NLRP4: variants seen among roughly 807,000 people sequenced by gnomAD.
The protein encoded by NLRP4 is NLR family pyrin domain containing 4.
Under a neutral mutation model 84.7 loss-of-function variants are expected in NLRP4, and 44 were observed. The ratio of observed to expected loss-of-function variants is 0.52; its 90% CI spans 0.41 to 0.67. The LOEUF is 0.67. Ranked by LOEUF, NLRP4 falls within the 30% of genes least tolerant of loss-of-function variation. The pLI, the probability that NLRP4 is intolerant of heterozygous loss-of-function variation, is 0.00. For synonymous variants in NLRP4, 544 were observed against 476.4 expected, an observed-to-expected ratio of 1.14 and a Z score of -1.85; for missense variants, 1,260 against 1,219.4, an observed-to-expected ratio of 1.03 and a Z score of -0.50.
At chr19:55,871,628 T>G (rs533724099) in intron 7 of NLRP4, among the ~76,000 whole-genome samples, 2 of 152,326 alleles carry the variant, frequency 1.3e-5, no homozygotes, top group African/African-American at 4.8e-5. Context: ...TCTGGCAGCG[T>G]GATTTTTACC....
intron 1 of NLRP4, among the ~76,000 whole-genome samples, chr19:55,841,820 G>A (rs1360207101): frequency 1.4e-5 from 2 of 146,198 alleles, no homozygotes; most frequent in African/African-American, 2.8e-5. Flanking sequence ...AGCCGAGATC[G>A]TACCACTGCA....
At chr19:55,855,594 A>G (rs1047124279) in intron 2 of NLRP4, among the ~76,000 whole-genome samples, 21 of 152,240 alleles carry the variant, frequency 1.4e-4, no homozygotes, top group African/African-American at 5.1e-4. Flanking sequence ...TACTGTCAGC[A>G]GTCTGTGGGC....
intron 5 of NLRP4, among the ~76,000 whole-genome samples, chr19:55,863,800 C>G (rs1444675989): frequency 6.6e-6 from 1 of 152,166 alleles, no homozygotes; most frequent in East Asian, 1.9e-4. Flanking sequence ...TGGCACTTAA[C>G]CATTGTGTGT....
At chr19:55,867,956 A>C in intron 6 of NLRP4, 80 bp downstream of exon 6, 1 of 1,245,526 alleles carries the variant, frequency 8.0e-7, no homozygotes, top group Non-Finnish European at 1.1e-6. Context: ...CAGTCTGCTC[A>C]TTGATGGAGG....
intron 6 of NLRP4, among the ~76,000 whole-genome samples, 170 bp from the exon 7 acceptor site, chr19:55,870,657 C>T (rs1985139712): frequency 1.3e-5 from 2 of 152,182 alleles, no homozygotes; most frequent in Non-Finnish European, 2.9e-5. Flanking sequence ...CAGCAAAACT[C>T]CATCTCAAAA....
intron 6 of NLRP4, among the ~76,000 whole-genome samples, chr19:55,868,503 C>CCT (rs1555810170): frequency 1.4e-5 from 2 of 139,928 alleles, no homozygotes; most frequent in Non-Finnish European, 3.1e-5. Context: ...GCATTTGTGT[C>CCT]TTTTTTTTTT....
chr19:55,861,677 C>A, intron 4 of NLRP4, 130 bp downstream of exon 4: 1 of 811,442 alleles, frequency 1.2e-6, no homozygotes, highest in East Asian at 2.5e-5. Flanking sequence ...AACCTCAGCA[C>A]TTACAGACAT....
chr19:55,851,633 A>T (rs78824913), intron 1 of NLRP4, among the ~76,000 whole-genome samples: 1,053 of 37,942 alleles, frequency 0.028, 15 homozygotes, highest in East Asian at 0.047. Flanking sequence ...GTAATGTCCG[A>T]GGCTGCGGTG....
intron 1 of NLRP4, among the ~76,000 whole-genome samples, chr19:55,842,492 C>A (rs1391448105): frequency 6.6e-6 from 1 of 151,810 alleles, no homozygotes; most frequent in Non-Finnish European, 1.5e-5. Flanking sequence ...CTGTCATCTT[C>A]CCAGAGAAGA....
intron 3 of NLRP4, among the ~76,000 whole-genome samples, chr19:55,860,569 G>A (rs1483543985): frequency 6.6e-6 from 1 of 151,532 alleles, no homozygotes; most frequent in African/African-American, 2.4e-5. Context: ...GGGCAATAGA[G>A]CAAGACCCCA....
chr19:55,881,636 T>TGGGACC lies in NLRP4; in HGVS notation c.*51_*56dup. 1 of 884,114 alleles carries TGGGACC rather than the reference T, an allele frequency of 1.1e-6. No individual in the cohort carries two copies. The highest frequency in any genetic ancestry group is 1.9e-6 in the Non-Finnish European group (1 of 532,854). 54.8% of individuals were successfully genotyped at this position (884,114 alleles called of 1,614,324 possible). On this transcript the variant is annotated 3_prime_UTR_variant, in exon 10 of 10. Transcript: ENST00000301295. ...TCGAACACCTGCAAAGGACAGGGACTGGGACCGTTACTTACATGACACTGC... is the reference window on the plus strand; with the variant it reads ...TCGAACACCTGCAAAGGACAGGGACTGGGACCGGGACCGTTACTTACATGACACTGC...
At chr19:55,856,640 C>T (rs978368006) in intron 2 of NLRP4, among the ~76,000 whole-genome samples, 3 of 151,472 alleles carry the variant, frequency 2.0e-5, no homozygotes, top group Non-Finnish European at 2.9e-5. Context: ...CTCAGCCTCC[C>T]AAGTAGCTGG....
At chr19:55,871,846 C>CTTTTTTTT (rs376627745) in intron 7 of NLRP4, among the ~76,000 whole-genome samples, 1 of 142,128 alleles carries the variant, frequency 7.0e-6, no homozygotes. Flanking sequence ...CAGAAATAAT[C>CTTTTTTTT]TTTTTTTTTT....
chr19:55,865,482 A>G (rs920201130), intron 5 of NLRP4, among the ~76,000 whole-genome samples: 3 of 152,212 alleles, frequency 2.0e-5, no homozygotes, highest in African/African-American at 4.8e-5. Context: ...TATATACCCA[A>G]TAATGGGATT....
At chr19:55,866,045 C>A (rs1984943409) in intron 5 of NLRP4, among the ~76,000 whole-genome samples, 1 of 151,348 alleles carries the variant, frequency 6.6e-6, no homozygotes, top group African/African-American at 2.4e-5. Flanking sequence ...TTTTTTTCCC[C>A]CAAATTTGAG....
intron 5 of NLRP4, among the ~76,000 whole-genome samples, chr19:55,862,679 G>A (rs1365512648): frequency 1.6e-5 from 2 of 125,108 alleles, no homozygotes; most frequent in Non-Finnish European, 3.4e-5. Flanking sequence ...AGACTATAGC[G>A]TAAGTCTCCG....
intron 1 of NLRP4, among the ~76,000 whole-genome samples, chr19:55,841,610 C>CGG (rs1983616478): frequency 6.6e-6 from 1 of 152,114 alleles, no homozygotes; most frequent in Non-Finnish European, 1.5e-5. Context: ...TGCCTGTAAT[C>CGG]CCAGCACTTT....
chr19:55,876,871 G>A, intron 7 of NLRP4, 125 bp from the exon 8 acceptor site: 1 of 666,654 alleles, frequency 1.5e-6, no homozygotes, highest in Non-Finnish European at 2.6e-6. Flanking sequence ...TGAATCTGTG[G>A]ATATGGAGGA....
rs749484722 is a variant in NLRP4 at position 55,857,912 on chromosome 19, G to A, written c.519G>A (p.Ser173=). The A allele has an allele frequency of 1.1e-5, 18 of 1,614,008 alleles. No individual in the cohort carries two copies. The highest frequency in any genetic ancestry group is 1.6e-4 in the Middle Eastern group (1 of 6,084). The part of the protein sequence containing the change: ...TLLMKLMMAW[S]DNKIFRDRFL... ...TGATGAAGCTGATGATGGCCTGGTCGGACAACAAGATCTTTCGGGATAGGT... is the reference window on the plus strand; with the variant it reads ...TGATGAAGCTGATGATGGCCTGGTCAGACAACAAGATCTTTCGGGATAGGT... Residue 173 remains serine, a synonymous_variant, in exon 3 of 10, where the codon TCG becomes TCA. Transcript: ENST00000301295.
Sources: gnomAD v4.1 joint callset for allele counts (sites outside exome capture counted in the v4.1 genomes callset) on GRCh38, gnomAD v4.1.1 for gene constraint, MANE v1.5 for transcripts, NCBI Gene and HGNC (gene_info 2026-07-23, HGNC 2026-07-21) for gene names.